Variants in SATL1 observed in about 807,000 individuals in gnomAD.
The protein encoded by SATL1 is spermidine/spermine N1-acetyl transferase like 1, also known as spermidine/spermine N(1)-acetyltransferase-like protein 1.
In SATL1, 47 loss-of-function variants were observed where a neutral mutation model predicts 51.8. The observed-to-expected ratio is 0.91, with a 90% confidence interval of 0.72 to 1.16. The LOEUF is 1.16. Ranked by LOEUF, SATL1 falls within the 50% of genes most tolerant of loss-of-function variation. The pLI is 0.00. For synonymous variants in SATL1, 176 were observed against 182.4 expected (o/e 0.97, Z 0.28); for missense variants, 520 against 526.4 (o/e 0.99, Z 0.12).
intron 2 of SATL1, among the ~76,000 whole-genome samples, chrX:85,161,857 T>C (rs1183092921): frequency 9.0e-6 from 1 of 111,292 alleles, no homozygotes; most frequent in Non-Finnish European, 1.9e-5. Context: ...TAACAGAATA[T>C]ATATTTTTCT....
intron 2 of SATL1, among the ~76,000 whole-genome samples, chrX:85,186,688 A>G (rs968298119): frequency 2.7e-5 from 3 of 111,941 alleles, no homozygotes; most frequent in African/African-American, 9.7e-5. Flanking sequence ...TTTCTTCAGC[A>G]TATGGTAGCT....
chrX:85,141,546 A>G (rs1246013000), intron 2 of SATL1, among the ~76,000 whole-genome samples: 1 of 111,777 alleles, frequency 8.9e-6, no homozygotes, highest in South Asian at 3.8e-4. Flanking sequence ...AGTGTGTCAC[A>G]GTGAATTTGC....
chrX:85,195,857 A>G (rs988431217), intron 2 of SATL1, among the ~76,000 whole-genome samples: 1 of 110,482 alleles, frequency 9.1e-6, no homozygotes, highest in Non-Finnish European at 1.9e-5. Context: ...GGGGTTCAAA[A>G]CGTTGAGAGC....
Position 85,131,740 on chromosome X carries a change from G to A in SATL1, c.-312-22460C>T, listed in dbSNP as rs776945427. ...CATTAGTTGATGCAGTTTTTTCCTA[G>A]CATCAATGGTCTTTACAATTTGGCA... On this transcript the variant is annotated intron_variant, in intron 2 of 7. Transcript: ENST00000644105. 9.0e-5 allele frequency among the ~76,000 whole-genome samples: 10 copies of A among 111,581 alleles called. No homozygotes were observed. The East Asian group carries it at 2.5e-3, about 28-fold the overall frequency.
intron 2 of SATL1, chrX:85,212,982 AAGTTT>A (rs1054489577): frequency 8.9e-6 from 1 of 112,015 alleles, no homozygotes; most frequent in African/African-American, 3.2e-5. Context: ...AATGTTCAGG[AAGTTT>A]AGTTTATATG....
intron 1 of SATL1, among the ~76,000 whole-genome samples, chrX:85,225,409 C>T (rs1928259167): frequency 8.9e-6 from 1 of 112,278 alleles, no homozygotes; most frequent in Non-Finnish European, 1.9e-5. Context: ...TCATGTCTTA[C>T]AACTGCATGT....
chrX:85,128,669 A>T (rs1328784836), intron 2 of SATL1, among the ~76,000 whole-genome samples: 1 of 111,669 alleles, frequency 9.0e-6, no homozygotes, highest in Non-Finnish European at 1.9e-5. Flanking sequence ...CCATTTGTCT[A>T]TTTCGGCTTT....
In SATL1 at chrX:85,108,214, C is replaced by A; in HGVS notation, c.755G>T (p.Ser252Ile). The change falls in exon 3 of 8, where the codon AGT becomes ATT. Residue 252 changes from serine to isoleucine, a missense_variant. Ser to Ile is a moderately radical substitution (Grantham distance 142). Coordinates refer to ENST00000644105, the MANE Select transcript of SATL1 (RefSeq NM_001367857.2). ...ACCTGTTTGGTTGGAATCTGATAAA[C>A]TTGATTGGTTTGCGTCTGGTTGGCT... ...DMSQPDANQS[S>I]LSDSNQTGII... 8.3e-7 allele frequency: 1 copy of A among 1,211,682 alleles called. No individual in the cohort carries two copies. The highest frequency in any genetic ancestry group is 2.3e-4 in the Middle Eastern group (1 of 4,352).
chrX:85,211,690 C>T (rs986326980), intron 2 of SATL1: 1 of 111,222 alleles, frequency 9.0e-6, no homozygotes, highest in African/African-American at 3.3e-5. Flanking sequence ...CTTCAATTTG[C>T]ACTTACTCTT....
At chrX:85,199,179 C>A (rs1401257011) in intron 2 of SATL1, among the ~76,000 whole-genome samples, 1 of 110,972 alleles carries the variant, frequency 9.0e-6, no homozygotes, top group Non-Finnish European at 1.9e-5. Flanking sequence ...ACACTCCCCC[C>A]ACTACCCTTA....
At chrX:85,204,266 C>G (rs1927744654) in intron 2 of SATL1, among the ~76,000 whole-genome samples, 1 of 111,601 alleles carries the variant, frequency 9.0e-6, no homozygotes, top group Admixed American at 9.5e-5. Context: ...ATTCTCTGTG[C>G]GTCAAGTTGT....
At chrX:85,220,173 C>T (rs1928141612) in intron 2 of SATL1, among the ~76,000 whole-genome samples, 1 of 110,289 alleles carries the variant, frequency 9.1e-6, no homozygotes, top group Admixed American at 9.7e-5. Flanking sequence ...CAGAATAAAA[C>T]TCAGCTGACA....
At chrX:85,111,298 G>GT (rs1278770886) in intron 2 of SATL1, among the ~76,000 whole-genome samples, 2 of 112,187 alleles carry the variant, frequency 1.8e-5, no homozygotes, top group African/African-American at 3.2e-5. Flanking sequence ...TTAGATATTT[G>GT]TTTTTTGTTA....
intron 1 of SATL1, among the ~76,000 whole-genome samples, chrX:85,226,759 T>C (rs1403273895): frequency 9.0e-6 from 1 of 111,132 alleles, no homozygotes; most frequent in East Asian, 2.8e-4. Context: ...GCCACTCTTA[T>C]ATTCATTCCC....
At chrX:85,117,144 A>T (rs190614630) in intron 2 of SATL1, 1 of 112,012 alleles carries the variant, frequency 8.9e-6, no homozygotes, top group Admixed American at 9.4e-5. Context: ...ATGCCAACAT[A>T]TAAAACCCTA....
At position 85,149,917 on chromosome X, in the gene SATL1, G is replaced by A. The variant is rs181145090; in HGVS notation, c.-312-40637C>T. 3.8e-3 allele frequency among the ~76,000 whole-genome samples: 425 copies of A among 111,252 alleles called. 2 individuals are homozygous for A. Among genetic ancestry groups the A allele is most frequent in the African/African-American group, 0.013 (413 of 30,597 alleles). ...ACAATTAAAAGAACTAGAAAAGCAA[G>A]AGCGAACACATTCAAAAGCTAGCAG... On this transcript the variant is annotated intron_variant, in intron 2 of 7. Coordinates refer to ENST00000644105, the MANE Select transcript of SATL1 (RefSeq NM_001367857.2).
At chrX:85,127,552 T>C (rs1208116043) in intron 2 of SATL1, among the ~76,000 whole-genome samples, 2 of 111,836 alleles carry the variant, frequency 1.8e-5, no homozygotes, top group African/African-American at 6.5e-5. Context: ...TCTAATTCTC[T>C]TAACTTGCTC....
rs774890983 is a variant in SATL1 at position 85,108,154 on chromosome X, T to G, written c.815A>C (p.Asn272Thr). The G allele has an allele frequency of 8.3e-7, 1 of 1,212,108 alleles. No homozygotes were observed. The highest frequency in any genetic ancestry group is 1.1e-6 in the Non-Finnish European group (1 of 895,566). The stretch of plus-strand genomic sequence containing the variant: ...ACTCCATTGGTTCATGTCCATTTGG[T>G]TCATACCAAGTAAGCTTGGGCTTGG... ...IQPSPSLLGM[N>T]QMDMNQWSAS... Residue 272 changes from asparagine (N) to threonine (T), a missense_variant, in exon 3 of 8, where the codon AAC becomes ACC. By Grantham distance (65) the Asn-to-Thr change is moderately conservative. Coordinates refer to ENST00000644105, the MANE Select transcript of SATL1 (RefSeq NM_001367857.2).
chrX:85,189,185 A>G (rs192418767), intron 2 of SATL1, among the ~76,000 whole-genome samples: 2 of 111,618 alleles, frequency 1.8e-5, no homozygotes, highest in African/African-American at 6.5e-5. Context: ...TGGTTATTTT[A>G]TTTTTGTTTT....
Sources: gnomAD v4.1 joint callset for allele counts (sites outside exome capture counted in the v4.1 genomes callset) on GRCh38, gnomAD v4.1.1 for gene constraint, MANE v1.5 for transcripts, NCBI Gene and HGNC (gene_info 2026-07-23, HGNC 2026-07-21) for gene names.